Variants in MYO18B observed in about 807,000 individuals in gnomAD.
MYO18B encodes myosin XVIIIB.
MYO18B carries 204 observed loss-of-function variants against 273.0 expected under a neutral mutation model. That is an observed-to-expected ratio of 0.75 (90% CI 0.67 to 0.84). The LOEUF is 0.84. Among genes scored for constraint, MYO18B ranks in the 40% least tolerant of loss-of-function variants. The pLI is 0.00. For synonymous variants in MYO18B, 1,330 were observed against 1,305.7 expected, an observed-to-expected ratio of 1.02 and a Z score of -0.40; for missense variants, 3,212 against 3,287.6, an observed-to-expected ratio of 0.98 and a Z score of 0.56.
At chr22:26,063,454 G>A in the MYO18B span, among the ~76,000 whole-genome samples, 1 of 152,186 alleles carries the variant, frequency 6.6e-6, no homozygotes, top group Admixed American at 6.5e-5. Flanking sequence ...ATTCTTCAGA[G>A]GAGATCATCC....
chr22:25,924,457 A>C (rs1233415413), intron 34 of MYO18B, among the ~76,000 whole-genome samples: 1 of 152,260 alleles, frequency 6.6e-6, no homozygotes, highest in Non-Finnish European at 1.5e-5. Flanking sequence ...TAGAATTTAC[A>C]TCTGATGGAA....
intron 29 of MYO18B, chr22:25,899,075 T>C (rs1455531036): frequency 2.6e-5 from 4 of 152,788 alleles, no homozygotes; most frequent in African/African-American, 9.6e-5. Context: ...ACGTGAGCCA[T>C]TCTGGCAGAG....
chr22:25,854,111 C>T (rs2090500717), intron 21 of MYO18B, among the ~76,000 whole-genome samples: 1 of 152,116 alleles, frequency 6.6e-6, no homozygotes, highest in Non-Finnish European at 1.5e-5. Flanking sequence ...AGAGGGGATT[C>T]ATTGTCAGGG....
Position 25,832,774 on chromosome 22 carries a change from A to G in MYO18B, c.2980-143A>G, listed in dbSNP as rs529811807. On this transcript the variant is annotated intron_variant, in intron 15 of 43. Coordinates refer to ENST00000335473, the MANE Select transcript of MYO18B (RefSeq NM_032608.7). The stretch of plus-strand genomic sequence containing the variant: ...TAAAATGGTAAATTTTCTGCTATGT[A>G]TCTTTTGCCAAAATTTAAAAAAACG... The G allele has an allele frequency of 6.4e-6, 4 of 621,962 alleles. No homozygotes were observed. In the South Asian group the frequency reaches 8.0e-5, roughly 12 times the overall value. 38.5% of individuals were successfully genotyped at this position (621,962 alleles called of 1,614,324 possible).
At chr22:25,960,704 C>G (rs1457576111) in intron 39 of MYO18B, among the ~76,000 whole-genome samples, 1 of 151,962 alleles carries the variant, frequency 6.6e-6, no homozygotes, top group African/African-American at 2.4e-5. Flanking sequence ...CATTTTTGCT[C>G]ACTCTATCTT....
At chr22:25,995,946 A>G (rs577884517) in intron 40 of MYO18B, among the ~76,000 whole-genome samples, 3 of 152,308 alleles carry the variant, frequency 2.0e-5, no homozygotes, top group South Asian at 4.1e-4. Flanking sequence ...CCTGCATTTC[A>G]GAGTTGCTGT....
chr22:25,800,053 G>A (rs2145771866), intron 12 of MYO18B, among the ~76,000 whole-genome samples: 1 of 152,306 alleles, frequency 6.6e-6, no homozygotes, highest in East Asian at 1.9e-4. Flanking sequence ...CTTGGATGGA[G>A]CTGGAGGCCA....
At chr22:26,048,540 C>T in the MYO18B span, among the ~76,000 whole-genome samples, 2 of 152,180 alleles carry the variant, frequency 1.3e-5, no homozygotes, top group African/African-American at 2.4e-5. Flanking sequence ...ATGAAAGTGG[C>T]GCAGAACATG....
intron 19 of MYO18B, among the ~76,000 whole-genome samples, chr22:25,847,209 C>G (rs2090277010): frequency 1.3e-5 from 2 of 152,178 alleles, no homozygotes; most frequent in Non-Finnish European, 2.9e-5. Context: ...GACCTGGGGC[C>G]ACTCACTTGC....
At chr22:25,913,311 G>A (rs914991332) in intron 33 of MYO18B, among the ~76,000 whole-genome samples, 1 of 152,192 alleles carries the variant, frequency 6.6e-6, no homozygotes, top group African/African-American at 2.4e-5. Flanking sequence ...ATGGTATTGC[G>A]TGGCCCTCCA....
chr22:25,941,022 C>T (rs552978393), intron 34 of MYO18B, among the ~76,000 whole-genome samples: 25 of 152,284 alleles, frequency 1.6e-4, no homozygotes, highest in Admixed American at 4.6e-4. Flanking sequence ...TTAGTACGCA[C>T]GGAGGAAGGT....
At chr22:25,997,403 A>G (rs927436657) in intron 40 of MYO18B, among the ~76,000 whole-genome samples, 2 of 151,740 alleles carry the variant, frequency 1.3e-5, no homozygotes, top group African/African-American at 2.4e-5. Flanking sequence ...ACACAAGAGC[A>G]TTAAACCAAA....
intron 39 of MYO18B, among the ~76,000 whole-genome samples, chr22:25,985,717 C>A (rs1238755141): frequency 1.3e-5 from 2 of 151,840 alleles, no homozygotes; most frequent in Non-Finnish European, 2.9e-5. Context: ...GCACCCTCCG[C>A]CTCCCAGGTT....
chr22:25,784,813 G>A (rs956491264), intron 10 of MYO18B, among the ~76,000 whole-genome samples: 1 of 152,226 alleles, frequency 6.6e-6, no homozygotes, highest in Non-Finnish European at 1.5e-5. Flanking sequence ...CGAGGAACCT[G>A]CAGGTTGAAC....
intron 33 of MYO18B, 145 bp from the exon 34 acceptor site, chr22:25,921,112 G>A (rs1454649526): frequency 3.9e-6 from 3 of 775,354 alleles, no homozygotes; most frequent in Non-Finnish European, 6.0e-6. Context: ...GGAAACTGAG[G>A]CTCGGAGAGG....
At chr22:25,772,289 A>G in intron 6 of MYO18B, 45 bp from the exon 7 acceptor site, 1 of 1,578,018 alleles carries the variant, frequency 6.3e-7, no homozygotes, top group Non-Finnish European at 8.6e-7. Context: ...GCAGGGGGCC[A>G]GAAGGCCAGA....
At chr22:25,941,944 C>T (rs2269640) in intron 34 of MYO18B, among the ~76,000 whole-genome samples, 102,558 of 152,162 alleles carry the variant, frequency 0.67, 35,838 homozygotes, top group Middle Eastern at 0.77. Context: ...TTTTGGCTTC[C>T]GCTTCATTTT....
rs189522484 is a variant in MYO18B at position 25,757,963 on chromosome 22, A to G, written c.-109-3021A>G. 1.0e-3 allele frequency among the ~76,000 whole-genome samples: 157 copies of G among 152,296 alleles called. 1 individual carries two copies. The highest frequency in any genetic ancestry group is 2.8e-3 in the Admixed American group (43 of 15,290). On this transcript the variant is annotated intron_variant, in intron 1 of 43. Transcript: ENST00000335473. ...ACTGCAGGGGTGGGGATGTGGAAAA[A>G]GATATAGTCACTTTGGAAAACAGTT...
chr22:25,748,642 C>T (rs1327476837), intron 1 of MYO18B, among the ~76,000 whole-genome samples: 1 of 152,194 alleles, frequency 6.6e-6, no homozygotes, highest in Non-Finnish European at 1.5e-5. Flanking sequence ...GCTCCCTGCC[C>T]GCCATTCTTC....
Sources: allele counts gnomAD v4.1 joint callset (sites outside exome capture counted in the v4.1 genomes callset), GRCh38; gene constraint gnomAD v4.1.1; transcripts MANE v1.5; gene names NCBI Gene and HGNC (gene_info 2026-07-23, HGNC 2026-07-21).